The following AGBL1 variants were observed in gnomAD, a reference collection of about 807,000 sequenced individuals.
The protein encoded by AGBL1 is AGBL carboxypeptidase 1.
In AGBL1, 130 loss-of-function variants were observed where a neutral mutation model predicts 118.9. The ratio of observed to expected loss-of-function variants is 1.09; its 90% CI spans 0.95 to 1.26. The LOEUF is 1.26. AGBL1 is among the 50% of genes most tolerant of loss of function. The probability of loss-of-function intolerance (pLI) is 0.00; values close to 1 mark genes in which losing one functional copy is unlikely to be tolerated. For synonymous variants in AGBL1, 555 were observed against 478.9 expected, an observed-to-expected ratio of 1.16 and a Z score of -2.08; for missense variants, 1,584 against 1,298.1, an observed-to-expected ratio of 1.22 and a Z score of -3.38.
chr15:86,956,304 G>C (rs2080931114), intron 23 of AGBL1, among the ~76,000 whole-genome samples: 1 of 151,760 alleles, frequency 6.6e-6, no homozygotes, highest in Admixed American at 6.6e-5. Context: ...GATAGATATA[G>C]ATATAGGTAG....
At chr15:86,481,603 A>G (rs1026056152) in intron 18 of AGBL1, among the ~76,000 whole-genome samples, 3 of 152,124 alleles carry the variant, frequency 2.0e-5, no homozygotes, top group Non-Finnish European at 4.4e-5. Context: ...ACTTGCTTCC[A>G]GTTTTCCAGT....
At chr15:87,016,780 T>C (rs1331173497) in intron 24 of AGBL1, among the ~76,000 whole-genome samples, 1 of 152,050 alleles carries the variant, frequency 6.6e-6, no homozygotes, top group Admixed American at 6.6e-5. Context: ...GGTGAGTGAT[T>C]GTGTGATTCC....
chr15:86,872,186 G>T (rs2079739088), intron 22 of AGBL1, among the ~76,000 whole-genome samples: 1 of 152,204 alleles, frequency 6.6e-6, no homozygotes, highest in Non-Finnish European at 1.5e-5. Context: ...TGGGACAGAA[G>T]AGCTTGTCGC....
intron 4 of AGBL1, among the ~76,000 whole-genome samples, chr15:86,158,270 C>T (rs189076419): frequency 5.3e-4 from 80 of 152,328 alleles, no homozygotes; most frequent in Middle Eastern, 3.4e-3. Flanking sequence ...CATTTAGCTT[C>T]CTTTCCTGAG....
rs558499017 is a variant in AGBL1 at position 86,970,022 on chromosome 15, G to C, written c.3222-17965G>C. Among the ~76,000 whole-genome samples the C allele has an allele frequency of 2.6e-5, 4 of 151,970 alleles. No individual in the cohort carries two copies. The South Asian group carries it at 8.3e-4, about 32-fold the overall frequency. On this transcript the variant is annotated intron_variant, in intron 23 of 24. Coordinates refer to the AGBL1 transcript ENST00000441037. ...GGTGGTAGGTCGTAGCTGCTTTACA[G>C]GGAAGAGTTGTATCCAGAATAAGCA...
At chr15:86,675,265 A>G (rs1427174002) in intron 22 of AGBL1, among the ~76,000 whole-genome samples, 2 of 152,146 alleles carry the variant, frequency 1.3e-5, no homozygotes, top group Admixed American at 6.5e-5. Flanking sequence ...CTTCACGTCC[A>G]AAGGCAGAGA....
chr15:86,309,612 T>C (rs1249323380), intron 17 of AGBL1, among the ~76,000 whole-genome samples: 1 of 152,216 alleles, frequency 6.6e-6, no homozygotes, highest in Non-Finnish European at 1.5e-5. Flanking sequence ...GTTGTTTTTA[T>C]CATGAAAGGA....
chr15:86,530,016 A>G (rs1019771490), intron 19 of AGBL1, among the ~76,000 whole-genome samples: 12 of 134,606 alleles, frequency 8.9e-5, no homozygotes, highest in Non-Finnish European at 1.7e-4. Context: ...GCCAAAATGT[A>G]AAGACCATCG....
At chr15:86,789,251 C>A (rs1419888948) in intron 22 of AGBL1, among the ~76,000 whole-genome samples, 1 of 152,148 alleles carries the variant, frequency 6.6e-6, no homozygotes, top group Admixed American at 6.6e-5. Flanking sequence ...CATTGTTAGG[C>A]AAGGAATATC....
chr15:86,811,538 T>C (rs1284822440), intron 22 of AGBL1, among the ~76,000 whole-genome samples: 2 of 152,210 alleles, frequency 1.3e-5, no homozygotes, highest in East Asian at 3.8e-4. Context: ...TTTCTCTTCC[T>C]GGCCCTGTGT....
chr15:86,604,704 G>A (rs537604072), intron 21 of AGBL1, among the ~76,000 whole-genome samples: 1 of 151,786 alleles, frequency 6.6e-6, no homozygotes, highest in Non-Finnish European at 1.5e-5. Flanking sequence ...GCAGGTGAAT[G>A]AGCCCAATAA....
chr15:86,215,215 ATATGTATGCGTG>A (rs1180538714), intron 5 of AGBL1, among the ~76,000 whole-genome samples: 2 of 123,012 alleles, frequency 1.6e-5, no homozygotes, highest in Non-Finnish European at 3.4e-5. Flanking sequence ...GTGTGAGTGT[ATATGTATGCGTG>A]TGTGTGTGTG....
At chr15:86,760,820 C>T (rs983613356) in intron 22 of AGBL1, among the ~76,000 whole-genome samples, 117 of 152,080 alleles carry the variant, frequency 7.7e-4, no homozygotes, top group African/African-American at 2.8e-3. Context: ...ATTGTGTCTT[C>T]CTAAACTGCC....
chr15:86,510,406 G>A (rs1294350114), intron 18 of AGBL1, among the ~76,000 whole-genome samples: 2 of 151,996 alleles, frequency 1.3e-5, no homozygotes, highest in African/African-American at 4.8e-5. Context: ...ATAGAAAAAG[G>A]GAACAAGTAA....
At chr15:86,711,333 A>T (rs2086552131) in intron 22 of AGBL1, among the ~76,000 whole-genome samples, 1 of 152,214 alleles carries the variant, frequency 6.6e-6, no homozygotes, top group Admixed American at 6.5e-5. Flanking sequence ...CTTTTGGTAA[A>T]TGAGTTCTGC....
At chr15:86,230,684 A>T (rs937142631) in intron 6 of AGBL1, among the ~76,000 whole-genome samples, 1 of 152,216 alleles carries the variant, frequency 6.6e-6, no homozygotes, top group Admixed American at 6.5e-5. Context: ...TCATCCAGGG[A>T]TATTCAAATA....
chr15:86,481,114 T>G (rs2082645621), intron 18 of AGBL1, among the ~76,000 whole-genome samples: 1 of 142,992 alleles, frequency 7.0e-6, no homozygotes, highest in South Asian at 2.2e-4. Flanking sequence ...AACATAACAG[T>G]TGAAGGACAA....
At chr15:86,293,179 A>G (rs1179512544) in intron 16 of AGBL1, among the ~76,000 whole-genome samples, 4 of 152,142 alleles carry the variant, frequency 2.6e-5, no homozygotes, top group Non-Finnish European at 4.4e-5. Flanking sequence ...TTTCCCTTGT[A>G]TGTTAGTTGT....
chr15:86,465,664 GC>G (rs1487062348), intron 18 of AGBL1, among the ~76,000 whole-genome samples: 1 of 152,138 alleles, frequency 6.6e-6, no homozygotes, highest in Non-Finnish European at 1.5e-5. Context: ...GATGAAATAT[GC>G]CCTGGTCTCC....
Sources: allele counts gnomAD v4.1 joint callset (sites outside exome capture counted in the v4.1 genomes callset), GRCh38; gene constraint gnomAD v4.1.1; transcripts MANE v1.5; gene names NCBI Gene and HGNC (gene_info 2026-07-23, HGNC 2026-07-21).